Variants in KLF3 observed in about 807,000 individuals in gnomAD.
KLF3 encodes KLF transcription factor 3.
KLF3 carries 6 observed loss-of-function variants against 32.7 expected under a neutral mutation model. That is an observed-to-expected ratio of 0.18 (90% CI 0.10 to 0.36). The LOEUF is 0.36. Among genes scored for constraint, KLF3 ranks in the 10% least tolerant of loss-of-function variants. The pLI, the probability that KLF3 is intolerant of heterozygous loss-of-function variation, is 1.00. For synonymous variants in KLF3, 145 were observed against 172.8 expected, an observed-to-expected ratio of 0.84 and a Z score of 1.26; for missense variants, 338 against 449.7, an observed-to-expected ratio of 0.75 and a Z score of 2.25.
intron 1 of KLF3, among the ~76,000 whole-genome samples, chr4:38,667,354 C>T (rs1421419109): frequency 1.3e-5 from 2 of 152,176 alleles, no homozygotes; most frequent in Non-Finnish European, 2.9e-5. Context: ...TCTGGTAGAT[C>T]AGTAGCCCAG....
chr4:38,670,859 C>T (rs950087678), intron 1 of KLF3, among the ~76,000 whole-genome samples: 2 of 152,216 alleles, frequency 1.3e-5, no homozygotes, highest in African/African-American at 4.8e-5. Context: ...ATTCATCTCA[C>T]AAGTATTTAT....
intron 1 of KLF3, among the ~76,000 whole-genome samples, chr4:38,673,225 T>C (rs569367705): frequency 6.6e-6 from 1 of 152,162 alleles, no homozygotes; most frequent in Non-Finnish European, 1.5e-5. Context: ...GGCCGGAATT[T>C]CCAGGAACTG....
intron 5 of KLF3, 85 bp from the exon 6 acceptor site, chr4:38,696,997 A>C (rs1723061671): frequency 8.9e-7 from 1 of 1,126,900 alleles, no homozygotes; most frequent in Non-Finnish European, 1.3e-6. Flanking sequence ...CATATCTTGG[A>C]AATAATATTT....
At chr4:38,687,918 T>C (rs73232897) in intron 2 of KLF3, among the ~76,000 whole-genome samples, 1,972 of 152,262 alleles carry the variant, frequency 0.013, 23 homozygotes, top group Middle Eastern at 0.068. Context: ...GGACTTTCAG[T>C]GCTGAAACTA....
intron 1 of KLF3, among the ~76,000 whole-genome samples, chr4:38,680,001 G>C (rs2109244795): frequency 6.6e-6 from 1 of 152,236 alleles, no homozygotes. Context: ...CTCAGAAGGG[G>C]CTGTACATAG....
Position 38,671,188 on chromosome 4 carries a change from C to T in KLF3, c.-40+6727C>T, listed in dbSNP as rs972118698. 6.6e-6 allele frequency among the ~76,000 whole-genome samples: 1 copy of T among 152,224 alleles called. No individual in the cohort carries two copies. Among genetic ancestry groups the T allele is most frequent in the African/African-American group, 2.4e-5 (1 of 41,450 alleles). On this transcript the variant is annotated intron_variant, in intron 1 of 5. Coordinates refer to ENST00000261438, the MANE Select transcript of KLF3 (RefSeq NM_016531.6). The surrounding 1 kb of genome is among the most constrained non-coding windows in gnomAD (Gnocchi z 4.4). ...TTCTGTTCCTGGCTGCAGCTCCAAC[C>T]AGCTCTGTGAAATTGGGCGAGTCAT...
chr4:38,672,440 C>T (rs1357945773), intron 1 of KLF3, among the ~76,000 whole-genome samples: 1 of 152,088 alleles, frequency 6.6e-6, no homozygotes, highest in Non-Finnish European at 1.5e-5. Context: ...CTTGGATCCC[C>T]CAGGGAGCAA....
At chr4:38,690,021 C>A in intron 4 of KLF3, 142 bp downstream of exon 4, 1 of 685,934 alleles carries the variant, frequency 1.5e-6, no homozygotes, top group Non-Finnish European at 2.4e-6. Flanking sequence ...TGGTCCAGTA[C>A]CACTGGTCAA....
intron 1 of KLF3, among the ~76,000 whole-genome samples, chr4:38,665,268 G>A (rs1344907840): frequency 1.3e-5 from 2 of 152,140 alleles, no homozygotes; most frequent in African/African-American, 4.8e-5. Flanking sequence ...GGCTGAAGGC[G>A]GAAGACGCCT....
intron 5 of KLF3, among the ~76,000 whole-genome samples, chr4:38,696,372 A>G (rs1723045827): frequency 6.6e-6 from 1 of 152,130 alleles, no homozygotes; most frequent in Admixed American, 6.5e-5. Context: ...CTAATTTAAA[A>G]GGTAAGATTG....
At chr4:38,693,486 C>G (rs1722946495) in intron 4 of KLF3, among the ~76,000 whole-genome samples, 1 of 151,976 alleles carries the variant, frequency 6.6e-6, no homozygotes, top group South Asian at 2.1e-4. Flanking sequence ...AAGTTTTATA[C>G]CAAGAGACTC....
rs1429062230 is a variant in KLF3, at chr4:38,697,444, CCT to C, written c.*185_*186del. Reference sequence around the variant, plus strand: ...CAGTAGTAGATGTTCTCTAATCCTCCCTCTCCTTACCACGGGTCAGACCTAAA... The same window carrying C: ...CAGTAGTAGATGTTCTCTAATCCTCCCTCCTTACCACGGGTCAGACCTAAA... On this transcript the variant is annotated 3_prime_UTR_variant, in exon 6 of 6. Coordinates refer to ENST00000261438, the MANE Select transcript of KLF3 (RefSeq NM_016531.6). The C allele has an allele frequency of 9.6e-6, 5 of 519,758 alleles. No homozygotes were observed. The highest frequency in any genetic ancestry group is 1.3e-5 in the Non-Finnish European group (4 of 305,552). The allele number at this position is 519,758 out of a possible 1,614,324, so 32.2% of individuals were successfully genotyped here.
Position 38,694,743 on chromosome 4 carries a change from C to T in KLF3, c.696-3C>T, listed in dbSNP as rs1207849503. The T allele has an allele frequency of 5.2e-6, 8 of 1,543,824 alleles. No homozygotes were observed. The highest frequency in any genetic ancestry group is 1.7e-6 in the Non-Finnish European group (2 of 1,154,470). On this transcript the variant is annotated splice_polypyrimidine_tract_variant and splice_region_variant and intron_variant, in intron 4 of 5. Transcript: ENST00000261438. Reference sequence around the variant, plus strand: ...ATTTGGCCTGTAACCTTGGCTTTCACAGGAATCACCCTTCGGTCATCGTGC... The same window carrying T: ...ATTTGGCCTGTAACCTTGGCTTTCATAGGAATCACCCTTCGGTCATCGTGC...
At chr4:38,667,299 C>G (rs990103932) in intron 1 of KLF3, among the ~76,000 whole-genome samples, 1 of 152,220 alleles carries the variant, frequency 6.6e-6, no homozygotes, top group Non-Finnish European at 1.5e-5. Flanking sequence ...TTGCGTCATA[C>G]ATTCCAAGTG....
intron 5 of KLF3, 73 bp downstream of exon 5, chr4:38,694,979 A>C: frequency 1.4e-6 from 2 of 1,469,978 alleles, no homozygotes; most frequent in Non-Finnish European, 1.8e-6. Flanking sequence ...GGTTGTTACG[A>C]TCAAAGTTTT....
In KLF3 at chr4:38,664,440, G is replaced by A. The variant is rs1221337904; in HGVS notation, c.-61G>A. The A allele has an allele frequency of 6.6e-6, 1 of 152,132 alleles. No homozygotes were observed. Among genetic ancestry groups the A allele is most frequent in the East Asian group, 1.9e-4 (1 of 5,162 alleles). The allele number at this position is 152,132 out of a possible 1,614,324, so 9.4% of individuals were successfully genotyped here. On this transcript the variant is annotated 5_prime_UTR_variant, in exon 1 of 6. Coordinates refer to ENST00000261438, the MANE Select transcript of KLF3 (RefSeq NM_016531.6). The stretch of plus-strand genomic sequence containing the variant: ...GGGGCCTTTATTTCTCGTCGGCGGC[G>A]CCCTGCACCGCGCCTCGCAAAGTAA...
At chr4:38,666,297 C>T (rs1722038008) in intron 1 of KLF3, among the ~76,000 whole-genome samples, 1 of 152,110 alleles carries the variant, frequency 6.6e-6, no homozygotes, top group Admixed American at 6.5e-5. Flanking sequence ...TTGCAGAAAG[C>T]TATTGTTTTA....
intron 1 of KLF3, among the ~76,000 whole-genome samples, chr4:38,675,320 A>G (rs1028339381): frequency 6.6e-6 from 1 of 152,066 alleles, no homozygotes; most frequent in Non-Finnish European, 1.5e-5. Flanking sequence ...GGCGGTGGTG[A>G]TGTTCCTGTA....
intron 1 of KLF3, among the ~76,000 whole-genome samples, chr4:38,668,849 T>A (rs986606973): frequency 6.6e-6 from 1 of 152,150 alleles, no homozygotes; most frequent in Non-Finnish European, 1.5e-5. Flanking sequence ...CAGAAAAAAA[T>A]TCTGCAAGCT....
Sources: gnomAD v4.1 joint callset for allele counts (sites outside exome capture counted in the v4.1 genomes callset) on GRCh38, gnomAD v4.1.1 for gene constraint, Gnocchi (gnomAD v3.1) non-coding constraint, MANE v1.5 for transcripts, NCBI Gene and HGNC (gene_info 2026-07-23, HGNC 2026-07-21) for gene names.